Variants in CYP11A1 observed in about 807,000 individuals in gnomAD.
The protein encoded by CYP11A1 is cholesterol side-chain cleavage enzyme, mitochondrial.
A neutral mutation model predicts 51.9 loss-of-function variants in CYP11A1; 25 were observed. The observed-to-expected ratio is 0.48, with a 90% CI of 0.35 to 0.67. The LOEUF is 0.67. CYP11A1 is among the 30% of genes least tolerant of loss of function. The pLI is 0.00. For synonymous variants in CYP11A1, 245 were observed against 262.1 expected (o/e 0.93, Z 0.63); for missense variants, 578 against 680.9 (o/e 0.85, Z 1.68).
chr15:74,351,324 T>A lies in CYP11A1; in HGVS notation c.270-3269A>T, dbSNP rs1132670. ...GCCCCAAAGCGGGAGGGACTTTTTT[T>A]AAAAATCTTTTTTGCCTATGGTTCC... On this transcript the variant is annotated intron_variant, in intron 1 of 8. Coordinates refer to ENST00000268053, the MANE Select transcript of CYP11A1 (RefSeq NM_000781.3). 3.5e-4 allele frequency among the ~76,000 whole-genome samples: 53 copies of A among 152,318 alleles called. No homozygotes were observed. The East Asian group carries it at 3.9e-3, about 11-fold the overall frequency.
rs549043326 is a variant in CYP11A1, at chr15:74,345,238, G to T, written c.431C>A (p.Ser144Ter). ...CACCCGGTCTTTCTTCCAGGCTGCC[G>T]ACTTCCTGAGAAAACATGGGCCCAC... ...QRPIGVLLKK[S>*]AAWKKDRVAL... Residue 144 changes from serine to a stop codon, truncating the protein, a stop_gained, in exon 3 of 9, where the codon TCG becomes TAG. Transcript: ENST00000268053. LOFTEE classifies it high-confidence loss of function. The surrounding 1 kb of genome is among the most constrained non-coding windows in gnomAD (Gnocchi z 4.3). 1.9e-6 allele frequency: 3 copies of T among 1,614,096 alleles called. No homozygotes were observed. The highest frequency in any genetic ancestry group is 4.5e-5 in the East Asian group (2 of 44,876).
chr15:74,353,239 C>T (rs2060663900), intron 1 of CYP11A1, among the ~76,000 whole-genome samples: 1 of 152,052 alleles, frequency 6.6e-6, no homozygotes, highest in Non-Finnish European at 1.5e-5. Flanking sequence ...AGTAAGGAAC[C>T]ATTAAGTAGG....
intron 5 of CYP11A1, among the ~76,000 whole-genome samples, chr15:74,340,547 C>T (rs1381828969): frequency 6.6e-6 from 1 of 152,200 alleles, no homozygotes; most frequent in Admixed American, 6.5e-5. Flanking sequence ...CCTCCCTCCT[C>T]CTGGCAGGGG....
intron 2 of CYP11A1, among the ~76,000 whole-genome samples, chr15:74,347,064 C>T (rs1463864939): frequency 6.6e-6 from 1 of 152,056 alleles, no homozygotes; most frequent in Non-Finnish European, 1.5e-5. Context: ...CCTTGGCCTC[C>T]CAAAGTGCTG....
At position 74,337,956 on chromosome 15, in the gene CYP11A1, A is replaced by G; in HGVS notation, c.*16T>C. ...CTGGGCCTTCCTCCCATGTGGCTGC[A>G]GGCCATCCTCTCTGATCACTGCTGG... On this transcript the variant is annotated 3_prime_UTR_variant, in exon 9 of 9. Transcript: ENST00000268053. 1 of 1,613,596 alleles carries G rather than the reference A, an allele frequency of 6.2e-7. No homozygotes were observed. Among genetic ancestry groups the G allele is most frequent in the Non-Finnish European group, 8.5e-7 (1 of 1,179,996 alleles).
Position 74,345,281 on chromosome 15 carries a change from G to C in CYP11A1, c.426-38C>G, listed in dbSNP as rs1171778066. 6.2e-7 allele frequency: 1 copy of C among 1,611,120 alleles called. No homozygotes were observed. On this transcript the variant is annotated intron_variant, in intron 2 of 8. Transcript: ENST00000268053. The surrounding 1 kb of genome is among the most constrained non-coding windows in gnomAD (Gnocchi z 4.3). ...GGGCCCACAAGCCCTCATGGTCACA[G>C]ACCCCAGGCCTGGTGAACACAGAGG...
intron 1 of CYP11A1, chr15:74,365,845 G>A: frequency 1.0e-6 from 1 of 985,716 alleles, no homozygotes; most frequent in Non-Finnish European, 1.2e-6. Context: ...AACGCATACC[G>A]GGTCGCTCCC....
intron 1 of CYP11A1, chr15:74,367,077 A>T (rs2060736680): frequency 3.5e-6 from 2 of 570,996 alleles, no homozygotes; most frequent in Non-Finnish European, 6.2e-6. Flanking sequence ...CTTGCCACCA[A>T]TTGTTTCAAA....
chr15:74,345,641 A>G lies in CYP11A1; in HGVS notation c.426-398T>C, dbSNP rs1416570857. Among the ~76,000 whole-genome samples the G allele has an allele frequency of 2.0e-5, 3 of 151,890 alleles. No homozygotes were observed. Among genetic ancestry groups the G allele is most frequent in the African/African-American group, 7.3e-5 (3 of 41,336 alleles). ...ACCTTTGACACTCCAGGGCCCCTCT[A>G]TATAACATTTTCTGACTCTTGCACA... On this transcript the variant is annotated intron_variant, in intron 2 of 8. Coordinates refer to ENST00000268053, the MANE Select transcript of CYP11A1 (RefSeq NM_000781.3). This position sits in a 1 kb window ranked among gnomAD's most constrained non-coding sequence, Gnocchi z 4.3.
At chr15:74,352,108 TAAGTA>T (rs1021451631) in intron 1 of CYP11A1, among the ~76,000 whole-genome samples, 7 of 152,280 alleles carry the variant, frequency 4.6e-5, no homozygotes, top group Admixed American at 6.5e-5. Flanking sequence ...ACTCATAAAT[TAAGTA>T]AATAAGTCTA....
intron 1 of CYP11A1, chr15:74,366,082 G>C (rs1400175550): frequency 1.0e-6 from 1 of 985,432 alleles, no homozygotes; most frequent in Non-Finnish European, 1.2e-6. Context: ...TGTGTCGAGG[G>C]GAGGCGGAGG....
At chr15:74,358,985 CA>C (rs2141244292) in intron 1 of CYP11A1, among the ~76,000 whole-genome samples, 1 of 152,302 alleles carries the variant, frequency 6.6e-6, no homozygotes, top group South Asian at 2.1e-4. Flanking sequence ...ACTCACCAAC[CA>C]AACAAGTAAT....
At chr15:74,343,654 CT>C in intron 4 of CYP11A1, 134 bp downstream of exon 4, 1 of 814,182 alleles carries the variant, frequency 1.2e-6, no homozygotes, top group Non-Finnish European at 2.1e-6. Context: ...CAGGGCCTTC[CT>C]GACACCCACG....
intron 1 of CYP11A1, chr15:74,365,659 C>T (rs2060728901): frequency 1.0e-6 from 1 of 985,132 alleles, no homozygotes; most frequent in Non-Finnish European, 1.2e-6. Context: ...ACCACCATCC[C>T]AGGCCTGGAA....
chr15:74,365,695 G>A (rs1489381246), intron 1 of CYP11A1: 1 of 985,402 alleles, frequency 1.0e-6, no homozygotes, highest in Non-Finnish European at 1.2e-6. Flanking sequence ...GACAGGAGAG[G>A]TCCGGCCGCG....
At position 74,348,034 on chromosome 15, in the gene CYP11A1, CTCCACG is replaced by C. The variant is rs746315876; in HGVS notation, c.285_290del (p.Asn95_Glu97delinsLys). ...CTTCAGGGTCGATGACATAAACCGACTCCACGTTGCCGAGCTTCTCCCTGGAGGGGT... is the reference window on the plus strand; with the variant it reads ...CTTCAGGGTCGATGACATAAACCGACTTGCCGAGCTTCTCCCTGGAGGGGT... On this transcript the variant is annotated inframe_deletion, in exon 2 of 9. Transcript: ENST00000268053. 1 of 1,614,216 alleles carries C rather than the reference CTCCACG, an allele frequency of 6.2e-7. No individual in the cohort carries two copies. The highest frequency in any genetic ancestry group is 1.7e-5 in the Admixed American group (1 of 60,034).
Position 74,339,241 on chromosome 15 carries a change from G to A in CYP11A1, c.1232C>T (p.Ala411Val). The change falls in exon 7 of 9, where the codon GCC (alanine) becomes GTC (valine). Residue 411 changes from alanine (A) to valine (V), a missense_variant. By Grantham distance (64) the Ala-to-Val change is moderately conservative (BLOSUM62 0). Transcript: ENST00000268053. Reference sequence around the variant, plus strand: ...CAGCCTGCTGGCTGCACCTACCTTGGCAGGAATCATGTAATCTCGAAGAAC... The same window carrying A: ...CAGCCTGCTGGCTGCACCTACCTTGACAGGAATCATGTAATCTCGAAGAAC... ...DLVLRDYMIP[A>V]KTLVQVAIYA... 2 of 1,613,382 alleles carry A rather than the reference G, an allele frequency of 1.2e-6. No individual in the cohort carries two copies. Among genetic ancestry groups the A allele is most frequent in the Non-Finnish European group, 1.7e-6 (2 of 1,179,316 alleles).
intron 1 of CYP11A1, among the ~76,000 whole-genome samples, chr15:74,357,165 G>C (rs1279349204): frequency 6.6e-6 from 1 of 152,060 alleles, no homozygotes; most frequent in African/African-American, 2.4e-5. Flanking sequence ...CCATTATTCT[G>C]TTCTGGATCT....
rs140215993 is a variant in CYP11A1, at chr15:74,347,292, C to T, written c.425+608G>A. Reference sequence around the variant, plus strand: ...GGTGTGGTGACACGCACCTGTAATCCCAGCTACTTGGGAGGCTGAGGTGGG... The same window carrying T: ...GGTGTGGTGACACGCACCTGTAATCTCAGCTACTTGGGAGGCTGAGGTGGG... On this transcript the variant is annotated intron_variant, in intron 2 of 8. Transcript: ENST00000268053. Among the ~76,000 whole-genome samples, 1,019 of 152,202 alleles carry T rather than the reference C, an allele frequency of 6.7e-3. 10 individuals are homozygous for T. The highest frequency in any genetic ancestry group is 0.023 in the African/African-American group (946 of 41,530).
Sources: gnomAD v4.1 joint callset for allele counts (sites outside exome capture counted in the v4.1 genomes callset) on GRCh38, gnomAD v4.1.1 for gene constraint, Gnocchi (gnomAD v3.1) non-coding constraint, MANE v1.5 for transcripts, NCBI Gene and HGNC (gene_info 2026-07-23, HGNC 2026-07-21) for gene names.